MYLK2: variants seen among roughly 807,000 people sequenced by gnomAD.
MYLK2 encodes myosin light chain kinase 2, skeletal/cardiac muscle.
A neutral mutation model predicts 58.2 loss-of-function variants in MYLK2; 27 were observed. That is an observed-to-expected ratio of 0.46 (90% CI 0.34 to 0.64). The LOEUF is 0.64. MYLK2 is among the 30% of genes least tolerant of loss of function. The probability of loss-of-function intolerance (pLI) is 0.01; values close to 1 mark genes in which losing one functional copy is unlikely to be tolerated. For synonymous variants in MYLK2, 310 were observed against 296.7 expected (o/e 1.04, Z -0.46); for missense variants, 676 against 764.3 (o/e 0.88, Z 1.36).
chr20:31,826,973 G>C lies in MYLK2; in HGVS notation c.1224+35G>C. 3 of 1,613,538 alleles carry C rather than the reference G, an allele frequency of 1.9e-6. No homozygotes were observed. The South Asian group carries it at 3.3e-5, about 18-fold the overall frequency. On this transcript the variant is annotated intron_variant, in intron 8 of 12. Transcript: ENST00000375985. The stretch of plus-strand genomic sequence containing the variant: ...TGGGGCCTCCTGGGAAGGGTCAGGG[G>C]CAGCCTCCGACCCCCTGAGATCAGT...
intron 8 of MYLK2, among the ~76,000 whole-genome samples, chr20:31,830,550 TG>T (rs1158023816): frequency 2.0e-5 from 3 of 152,194 alleles, no homozygotes; most frequent in Non-Finnish European, 4.4e-5. Context: ...TAGAATGTCG[TG>T]TTCTTTCATG....
chr20:31,823,606 G>T (rs769877602), intron 5 of MYLK2, 24 bp downstream of exon 5: 3 of 1,607,788 alleles, frequency 1.9e-6, no homozygotes, highest in South Asian at 2.2e-5. Context: ...CCCCAGCTGG[G>T]CACTCATGGA....
chr20:31,828,508 G>T, intron 8 of MYLK2: 3 of 981,404 alleles, frequency 3.1e-6, no homozygotes, highest in Non-Finnish European at 3.6e-6. Context: ...CATAGGGACT[G>T]TGAAGGAAAT....
Position 31,834,027 on chromosome 20 carries a change from CAG to C in MYLK2, c.*231_*232del. On this transcript the variant is annotated 3_prime_UTR_variant, in exon 13 of 13. Transcript: ENST00000375985. Reference sequence around the variant, plus strand: ...TCCATCCTGCTAGCACCTCCCCAGACAGGGCTCCAGCCTGTCGGCCACACCCC... The same window carrying C: ...TCCATCCTGCTAGCACCTCCCCAGACGGCTCCAGCCTGTCGGCCACACCCC... 1 of 567,392 alleles carries C rather than the reference CAG, an allele frequency of 1.8e-6. No homozygotes were observed. Among genetic ancestry groups the C allele is most frequent in the South Asian group, 2.0e-5 (1 of 49,502 alleles). 35.1% of individuals were successfully genotyped at this position (567,392 alleles called of 1,614,324 possible).
chr20:31,821,543 C>A lies in MYLK2; in HGVS notation c.578C>A (p.Ala193Glu). ...CCCACGGATCCCAGGCCAGCCAAGG[C>A]AGAAGAAGGAAAGAACATCCTGGCA... ...HSPTDPRPAK[A>E]EEGKNILAES... is the part of the protein sequence containing the mutation. The change falls in exon 4 of 13, where the codon GCA (alanine) becomes GAA (glutamate). Residue 193 changes from alanine (A) to glutamate (E), a missense_variant. Around this residue, in one of 2 missense-constraint regions of MYLK2, gnomAD observed 306 missense variants for 296.5 expected, o/e 1.03. Transcript: ENST00000375985. 1.2e-6 allele frequency: 2 copies of A among 1,614,054 alleles called. No individual in the cohort carries two copies. Among genetic ancestry groups the A allele is most frequent in the Non-Finnish European group, 1.7e-6 (2 of 1,180,026 alleles).
intron 4 of MYLK2, 100 bp downstream of exon 4, chr20:31,821,837 C>G: frequency 8.3e-7 from 1 of 1,208,008 alleles, no homozygotes; most frequent in Admixed American, 2.6e-5. Context: ...CTGAACTGCC[C>G]TGAGCCAAGC....
At chr20:31,833,569 A>G in intron 12 of MYLK2, 148 bp from the exon 13 acceptor site, 1 of 733,028 alleles carries the variant, frequency 1.4e-6, no homozygotes, top group Non-Finnish European at 2.5e-6. Flanking sequence ...ATACAGTGTC[A>G]TGGCGCCTCC....
chr20:31,820,303 A>G lies in MYLK2; in HGVS notation c.230A>G (p.Lys77Arg). 1.9e-6 allele frequency: 3 copies of G among 1,613,408 alleles called. No homozygotes were observed. The highest frequency in any genetic ancestry group is 2.2e-5 in the South Asian group (2 of 91,080). ...CCCTCAACTAGCAGCCAAGGCCCCA[A>G]AGGAGAGGGTGACAGGGGCGGGGGG... is the stretch of plus-strand genomic sequence containing the variant. ...AQPSTSSQGP[K>R]GEGDRGGGPA... The change falls in exon 3 of 13, where the codon AAA becomes AGA. Residue 77 changes from lysine (K) to arginine (R), a missense_variant. Lys to Arg is a conservative substitution (Grantham distance 26). This residue lies in a region of MYLK2 where 306 missense variants were observed against 296.5 expected (regional missense o/e 1.03). Transcript: ENST00000375985.
At chr20:31,828,012 C>T (rs975790086) in intron 8 of MYLK2, among the ~76,000 whole-genome samples, 7 of 151,704 alleles carry the variant, frequency 4.6e-5, no homozygotes, top group East Asian at 1.9e-4. Context: ...CTCAGCCTCC[C>T]GAGTAGCTGG....
At position 31,834,500 on chromosome 20, in the gene MYLK2, G is replaced by C. The variant is rs1234917743; in HGVS notation, c.*703G>C. The C allele has an allele frequency of 6.5e-6, 1 of 152,966 alleles. No homozygotes were observed. Among genetic ancestry groups the C allele is most frequent in the Non-Finnish European group, 1.5e-5 (1 of 68,366 alleles). The allele number at this position is 152,966 out of a possible 1,614,324, so 9.5% of individuals were successfully genotyped here. Reference sequence around the variant, plus strand: ...GGGAGGGGAGAAGCCAAGGGACACAGGAGACCACCCCCGAGCTTGCCTCAG... The same window carrying C: ...GGGAGGGGAGAAGCCAAGGGACACACGAGACCACCCCCGAGCTTGCCTCAG... On this transcript the variant is annotated 3_prime_UTR_variant, in exon 13 of 13. Coordinates refer to ENST00000375985, the MANE Select transcript of MYLK2 (RefSeq NM_033118.4).
chr20:31,822,045 T>A (rs2062254379), intron 4 of MYLK2, among the ~76,000 whole-genome samples: 1 of 152,186 alleles, frequency 6.6e-6, no homozygotes, highest in South Asian at 2.1e-4. Flanking sequence ...TGTACAACCA[T>A]ACCTGGCTTT....
intron 4 of MYLK2, among the ~76,000 whole-genome samples, chr20:31,822,985 G>A (rs1405639213): frequency 6.6e-6 from 1 of 152,200 alleles, no homozygotes; most frequent in Non-Finnish European, 1.5e-5. Flanking sequence ...GCCGCTAGGT[G>A]GCGCCCTCTC....
At chr20:31,824,720 GC>G (rs2062270094) in intron 6 of MYLK2, among the ~76,000 whole-genome samples, 1 of 152,238 alleles carries the variant, frequency 6.6e-6, no homozygotes, top group South Asian at 2.1e-4. Flanking sequence ...GGGAGCTGAA[GC>G]CAAGGTAAAC....
Position 31,833,876 on chromosome 20 carries a change from G to C in MYLK2, c.*79G>C. 5 of 1,377,610 alleles carry C rather than the reference G, an allele frequency of 3.6e-6. No individual in the cohort carries two copies. Among genetic ancestry groups the C allele is most frequent in the Non-Finnish European group, 5.1e-6 (5 of 981,326 alleles). 85.3% of individuals were successfully genotyped at this position (1,377,610 alleles called of 1,614,324 possible). On this transcript the variant is annotated 3_prime_UTR_variant, in exon 13 of 13. Coordinates refer to ENST00000375985, the MANE Select transcript of MYLK2 (RefSeq NM_033118.4). ...CCACACAGCCCAGAAGGCCAGAAAA[G>C]GCAGCCAGATCCCCAGGGCAGCCTC...
At chr20:31,820,949 A>G (rs2062249608) in intron 3 of MYLK2, among the ~76,000 whole-genome samples, 1 of 152,226 alleles carries the variant, frequency 6.6e-6, no homozygotes, top group South Asian at 2.1e-4. Flanking sequence ...TCTTCTTAAT[A>G]TAATTATTGG....
At position 31,834,064 on chromosome 20, in the gene MYLK2, G is replaced by GC; in HGVS notation, c.*272dup. 1.9e-6 allele frequency: 1 copy of GC among 520,218 alleles called. No individual in the cohort carries two copies. Among genetic ancestry groups the GC allele is most frequent in the South Asian group, 2.2e-5 (1 of 45,784 alleles). The allele number at this position is 520,218 out of a possible 1,614,324, so 32.2% of individuals were successfully genotyped here. A position where few individuals can be genotyped will look rare whatever the true frequency, so the allele number is the denominator to read the frequency against. ...CTGTCGGCCACACCCCAGACTCCAG[G>GC]CCCCCGTTGAAGCCGCTCCCGGTTC... is the stretch of plus-strand genomic sequence containing the variant. On this transcript the variant is annotated 3_prime_UTR_variant, in exon 13 of 13. Coordinates refer to ENST00000375985, the MANE Select transcript of MYLK2 (RefSeq NM_033118.4).
In MYLK2 at chr20:31,831,777, A is replaced by G. The variant is rs974471969; in HGVS notation, c.1499A>G (p.Tyr500Cys). The G allele has an allele frequency of 1.5e-5, 25 of 1,614,020 alleles. 1 individual carries two copies. The highest frequency in any genetic ancestry group is 3.3e-4 in the Middle Eastern group (2 of 6,084). The change falls in exon 11 of 13, where the codon TAC becomes TGC. Residue 500 changes from tyrosine to cysteine, a missense_variant. Coordinates refer to ENST00000375985, the MANE Select transcript of MYLK2 (RefSeq NM_033118.4). ...AACAACGTTCTATCTGGCAACTGGTACTTTGATGAAGAGACCTTTGAGGCC... is the reference window on the plus strand; with the variant it reads ...AACAACGTTCTATCTGGCAACTGGTGCTTTGATGAAGAGACCTTTGAGGCC... Reference protein sequence around the residue: ...TLNNVLSGNWYFDEETFEAVS... With the variant: ...TLNNVLSGNWCFDEETFEAVS...
At position 31,833,809 on chromosome 20, in the gene MYLK2, AG is replaced by A; in HGVS notation, c.*13del. On this transcript the variant is annotated 3_prime_UTR_variant, in exon 13 of 13. Coordinates refer to ENST00000375985, the MANE Select transcript of MYLK2 (RefSeq NM_033118.4). Reference sequence around the variant, plus strand: ...CTCTGGGGGTCTGAGCCCTGGGCGCAGCTGAAGCCTGGACGCAGCCACACAG... The same window carrying A: ...CTCTGGGGGTCTGAGCCCTGGGCGCACTGAAGCCTGGACGCAGCCACACAG... 1 of 1,610,826 alleles carries A rather than the reference AG, an allele frequency of 6.2e-7. No homozygotes were observed. Among genetic ancestry groups the A allele is most frequent in the Non-Finnish European group, 8.5e-7 (1 of 1,179,310 alleles).
intron 2 of MYLK2, 130 bp from the exon 3 acceptor site, chr20:31,819,996 C>A: frequency 8.3e-7 from 1 of 1,202,174 alleles, no homozygotes. Context: ...GCCCCAGAGA[C>A]TCAGTGGGAC....
Sources: gnomAD v4.1 joint callset for allele counts (sites outside exome capture counted in the v4.1 genomes callset) on GRCh38, gnomAD v4.1.1 for gene constraint, gnomAD v4.1.1 regional missense constraint, MANE v1.5 for transcripts, NCBI Gene and HGNC (gene_info 2026-07-23, HGNC 2026-07-21) for gene names.